The following MSI1 variants were observed in gnomAD, a reference collection of about 807,000 sequenced individuals.
MSI1 encodes RNA-binding protein Musashi homolog 1.
A neutral mutation model predicts 54.4 loss-of-function variants in MSI1; 15 were observed. That is an observed-to-expected ratio of 0.28 (90% CI 0.18 to 0.42). The LOEUF (loss-of-function observed/expected upper bound fraction) is 0.42. MSI1 is among the 20% of genes least tolerant of loss of function. The pLI is 1.00. For synonymous variants in MSI1, 200 were observed against 196.5 expected (o/e 1.02, Z -0.15); for missense variants, 304 against 506.0 (o/e 0.60, Z 3.83).
rs532605949 is a variant in MSI1 at position 120,341,439 on chromosome 12, G to A, written c.*1688C>T. On this transcript the variant is annotated 3_prime_UTR_variant, in exon 15 of 15. Coordinates refer to ENST00000257552, the MANE Select transcript of MSI1 (RefSeq NM_002442.4). ...CGGAGGATGGTAACTTGCTGGCTTC[G>A]AAACACCATGTAACATCTTAAAAAA... 18 of 151,172 alleles carry A rather than the reference G, an allele frequency of 1.2e-4. No individual in the cohort carries two copies. The East Asian group carries it at 1.6e-3, about 13-fold the overall frequency. The allele number at this position is 151,172 out of a possible 1,614,324, so 9.4% of individuals were successfully genotyped here. A position where few individuals can be genotyped will look rare whatever the true frequency, so the allele number is the denominator to read the frequency against.
In MSI1 at chr12:120,349,425, G is replaced by A. The variant is rs190893109; in HGVS notation, c.791-1911C>T. ...ATTTTTGTATTTTTAATAGAGATGG[G>A]GTTTCAACATGTTGGCCAAGCTGGT... On this transcript the variant is annotated intron_variant, in intron 11 of 14. Coordinates refer to ENST00000257552, the MANE Select transcript of MSI1 (RefSeq NM_002442.4). 2.6e-4 allele frequency among the ~76,000 whole-genome samples: 39 copies of A among 151,822 alleles called. No homozygotes were observed. The East Asian group carries it at 7.2e-3, about 28-fold the overall frequency.
At chr12:120,361,582 G>A (rs536664363) in intron 6 of MSI1, 2 of 152,646 alleles carry the variant, frequency 1.3e-5, no homozygotes, top group East Asian at 3.9e-4. Context: ...AGGGCAGGGG[G>A]GATCGGGCGG....
At chr12:120,357,559 G>A (rs1201800764) in intron 8 of MSI1, among the ~76,000 whole-genome samples, 1 of 152,190 alleles carries the variant, frequency 6.6e-6, no homozygotes, top group Admixed American at 6.5e-5. Flanking sequence ...AGGCTGAAGT[G>A]CAGTGGCACA....
chr12:120,345,486 G>T (rs1022995523), intron 14 of MSI1, 84 bp downstream of exon 14: 13 of 1,231,950 alleles, frequency 1.1e-5, no homozygotes, highest in Non-Finnish European at 1.5e-5. Context: ...TGAGGGCAGG[G>T]ATGGGGTCTG....
At chr12:120,351,296 G>C in intron 11 of MSI1, 48 bp downstream of exon 11, 1 of 1,555,296 alleles carries the variant, frequency 6.4e-7, no homozygotes, top group Non-Finnish European at 8.8e-7. Flanking sequence ...GGCCCCTTCT[G>C]TTTCTCCCCA....
At chr12:120,358,024 C>T in intron 7 of MSI1, 126 bp from the exon 8 acceptor site, 1 of 766,818 alleles carries the variant, frequency 1.3e-6, no homozygotes, top group South Asian at 1.6e-5. Context: ...AAAGGCTCTG[C>T]TCACAGCCTG....
intron 5 of MSI1, among the ~76,000 whole-genome samples, 160 bp from the exon 6 acceptor site, chr12:120,363,295 C>A (rs902462897): frequency 2.0e-5 from 3 of 148,226 alleles, no homozygotes; most frequent in African/African-American, 5.0e-5. Flanking sequence ...TGGACCCCCG[C>A]CTCTAGGCCT....
At chr12:120,365,988 C>A (rs960180546) in intron 4 of MSI1, among the ~76,000 whole-genome samples, 2 of 152,162 alleles carry the variant, frequency 1.3e-5, no homozygotes, top group Non-Finnish European at 2.9e-5. Flanking sequence ...GCCACCTTTG[C>A]CCTTGGCTGT....
chr12:120,356,795 G>C, intron 9 of MSI1, 107 bp downstream of exon 9: 1 of 975,002 alleles, frequency 1.0e-6, no homozygotes, highest in Non-Finnish European at 1.6e-6. Flanking sequence ...CAATGACTCA[G>C]ACAGGAGGAG....
intron 14 of MSI1, among the ~76,000 whole-genome samples, 197 bp downstream of exon 14, chr12:120,345,373 T>C (rs971897354): frequency 6.6e-6 from 1 of 152,132 alleles, no homozygotes; most frequent in Non-Finnish European, 1.5e-5. Flanking sequence ...GAAGCCTTAC[T>C]GTTGCTTTGA....
chr12:120,351,867 C>G (rs901162277), intron 10 of MSI1, among the ~76,000 whole-genome samples: 1 of 151,552 alleles, frequency 6.6e-6, no homozygotes, highest in African/African-American at 2.4e-5. Flanking sequence ...CGCCACCACG[C>G]CCGGATAATT....
chr12:120,347,096 C>T (rs776260796), intron 12 of MSI1, among the ~76,000 whole-genome samples: 11 of 152,120 alleles, frequency 7.2e-5, no homozygotes, highest in South Asian at 2.1e-4. Flanking sequence ...ATTACAGGCG[C>T]GCACCACCAC....
chr12:120,368,764 T>TCC lies in MSI1; in HGVS notation c.100+67_100+68dup. On this transcript the variant is annotated intron_variant, in intron 2 of 14. Coordinates refer to ENST00000257552, the MANE Select transcript of MSI1 (RefSeq NM_002442.4). This position sits in a 1 kb window ranked among gnomAD's most constrained non-coding sequence, Gnocchi z 6.6. ...CAGGGCGCAGGGCCGGGCTGGGGTGTCCGGGTCCGGGGCGCCGGGGGGTCC... is the reference window on the plus strand; with the variant it reads ...CAGGGCGCAGGGCCGGGCTGGGGTGTCCCCGGGTCCGGGGCGCCGGGGGGTCC... The TCC allele has an allele frequency of 7.7e-7, 1 of 1,307,038 alleles. No individual in the cohort carries two copies. Among genetic ancestry groups the TCC allele is most frequent in the East Asian group, 3.5e-5 (1 of 28,326 alleles). 81.0% of individuals were successfully genotyped at this position (1,307,038 alleles called of 1,614,324 possible). A position where few individuals can be genotyped will look rare whatever the true frequency, so the allele number is the denominator to read the frequency against.
intron 4 of MSI1, among the ~76,000 whole-genome samples, chr12:120,367,712 G>C (rs1215212771): frequency 6.6e-5 from 10 of 152,096 alleles, no homozygotes. Context: ...CCCACCCCAA[G>C]CTCTGCTCTG....
chr12:120,361,163 T>G (rs1052685486), intron 6 of MSI1, among the ~76,000 whole-genome samples: 5 of 152,118 alleles, frequency 3.3e-5, no homozygotes, highest in African/African-American at 1.2e-4. Context: ...TCTGTGTCAT[T>G]TAGGGCCATG....
At chr12:120,346,845 C>T (rs1021731691) in intron 12 of MSI1, among the ~76,000 whole-genome samples, 4 of 152,220 alleles carry the variant, frequency 2.6e-5, no homozygotes, top group African/African-American at 9.6e-5. Context: ...TGGTACTGGA[C>T]TCCCCCTAGT....
chr12:120,343,848 G>A (rs959230751), intron 14 of MSI1, among the ~76,000 whole-genome samples: 6 of 151,878 alleles, frequency 4.0e-5, no homozygotes, highest in Non-Finnish European at 8.8e-5. Context: ...CCCACAAGTC[G>A]AGGTATCCTG....
chr12:120,348,109 G>C (rs1466348206), intron 11 of MSI1, among the ~76,000 whole-genome samples: 1 of 148,740 alleles, frequency 6.7e-6, no homozygotes, highest in Non-Finnish European at 1.5e-5. Flanking sequence ...AGCACCCTAA[G>C]GGCCTCCCTG....
chr12:120,365,682 T>C (rs1480039898), intron 4 of MSI1, among the ~76,000 whole-genome samples: 3 of 152,208 alleles, frequency 2.0e-5, no homozygotes, highest in Non-Finnish European at 2.9e-5. Context: ...TCCTTGAGGC[T>C]GTGAGCAAAC....
Sources: allele counts gnomAD v4.1 joint callset (sites outside exome capture counted in the v4.1 genomes callset), GRCh38; gene constraint gnomAD v4.1.1; non-coding constraint Gnocchi (gnomAD v3.1); transcripts MANE v1.5; gene names NCBI Gene and HGNC (gene_info 2026-07-23, HGNC 2026-07-21).